Variants in ERC2 observed in about 807,000 individuals in gnomAD.
ERC2 encodes the protein ERC protein 2.
ERC2 carries 42 observed loss-of-function variants against 114.8 expected under a neutral mutation model. The ratio of observed to expected loss-of-function variants is 0.37; its 90% CI spans 0.29 to 0.47. The LOEUF (loss-of-function observed/expected upper bound fraction) is 0.47. Ranked by LOEUF, ERC2 falls within the 20% of genes least tolerant of loss-of-function variation. The probability of loss-of-function intolerance (pLI) is 0.99; values close to 1 mark genes in which losing one functional copy is unlikely to be tolerated. For missense variants in ERC2, 939 were observed against 1,150.7 expected (o/e 0.82, Z 2.66); for synonymous variants, 454 against 425.5 (o/e 1.07, Z -0.82).
chr3:55,969,563 C>T (rs2069006813), intron 12 of ERC2, among the ~76,000 whole-genome samples: 1 of 152,192 alleles, frequency 6.6e-6, no homozygotes, highest in Non-Finnish European at 1.5e-5. Context: ...ACCTTCACTT[C>T]CCTAAGCAGC....
At chr3:56,142,226 A>G (rs964488814) in intron 5 of ERC2, among the ~76,000 whole-genome samples, 1 of 151,976 alleles carries the variant, frequency 6.6e-6, no homozygotes, top group African/African-American at 2.4e-5. Context: ...CGTCTAAAAA[A>G]CCCACTTATC....
At chr3:56,159,561 G>A (rs375241089) in intron 4 of ERC2, among the ~76,000 whole-genome samples, 16 of 152,088 alleles carry the variant, frequency 1.1e-4, no homozygotes, top group African/African-American at 3.9e-4. Flanking sequence ...TTTGTTACTC[G>A]GGTATACTGC....
intron 7 of ERC2, among the ~76,000 whole-genome samples, chr3:56,043,473 G>A (rs775294353): frequency 3.3e-5 from 5 of 151,826 alleles, no homozygotes; most frequent in Non-Finnish European, 7.4e-5. Flanking sequence ...TATTCAAATA[G>A]TGTCTGACAT....
intron 6 of ERC2, among the ~76,000 whole-genome samples, chr3:56,136,421 CT>C (rs59098775): frequency 0.021 from 3,091 of 145,228 alleles, 116 homozygotes; most frequent in African/African-American, 0.07. Context: ...AGCACCATAT[CT>C]TTTTTTTTTT....
In ERC2 at chr3:56,148,967, T is replaced by G; in HGVS notation, c.1305+10A>C. The G allele has an allele frequency of 6.2e-7, 1 of 1,612,748 alleles. No individual in the cohort carries two copies. The highest frequency in any genetic ancestry group is 8.5e-7 in the Non-Finnish European group (1 of 1,179,186). On this transcript the variant is annotated intron_variant, in intron 5 of 17. Coordinates refer to ENST00000288221, the MANE Select transcript of ERC2 (RefSeq NM_015576.3). ...TTAAGAACATAAAAGTTTATAACCC[T>G]GGACCGTACCTTGGTCTTCATAAAC... is the stretch of plus-strand genomic sequence containing the variant.
At chr3:56,162,592 C>T (rs999713107) in intron 4 of ERC2, among the ~76,000 whole-genome samples, 2 of 152,104 alleles carry the variant, frequency 1.3e-5, no homozygotes, top group African/African-American at 2.4e-5. Flanking sequence ...CTAAGTCTTC[C>T]TCATTGAATC....
intron 6 of ERC2, among the ~76,000 whole-genome samples, chr3:56,131,728 T>C (rs1172565860): frequency 6.6e-6 from 1 of 152,146 alleles, no homozygotes; most frequent in Non-Finnish European, 1.5e-5. Flanking sequence ...GGTTAACAGA[T>C]ACAAAATTAC....
intron 14 of ERC2, among the ~76,000 whole-genome samples, chr3:55,825,400 A>T (rs2060284819): frequency 6.6e-6 from 1 of 152,232 alleles, no homozygotes; most frequent in African/African-American, 2.4e-5. Flanking sequence ...TCTTTATCTA[A>T]TGATTATGAT....
At chr3:55,931,000 A>G (rs947932333) in intron 13 of ERC2, among the ~76,000 whole-genome samples, 1 of 152,268 alleles carries the variant, frequency 6.6e-6, no homozygotes, top group Non-Finnish European at 1.5e-5. Context: ...AATATTAAAA[A>G]AGGCTTATCA....
Position 56,434,872 on chromosome 3 carries a change from T to C in ERC2, c.136A>G (p.Met46Val). ...GGGGTGKTLS[M>V]ENIQSLNAAY... Reference sequence around the variant, plus strand: ...GCATTGAGGGACTGGATATTCTCCATAGACAGAGTCTTGCCTGTTCCTCCA... The same window carrying C: ...GCATTGAGGGACTGGATATTCTCCACAGACAGAGTCTTGCCTGTTCCTCCA... Residue 46 changes from methionine to valine, a missense_variant, in exon 2 of 18, where the codon ATG becomes GTG. Physicochemically the swap from Met to Val is conservative, Grantham distance 21. Transcript: ENST00000288221. The C allele has an allele frequency of 1.2e-6, 2 of 1,613,866 alleles. No individual in the cohort carries two copies.
intron 14 of ERC2, among the ~76,000 whole-genome samples, chr3:55,872,050 G>A (rs1214930320): frequency 6.6e-6 from 1 of 152,162 alleles, no homozygotes; most frequent in Non-Finnish European, 1.5e-5. Context: ...GGAATAGAAA[G>A]GAAACAGACT....
At chr3:56,090,064 T>C (rs2077703737) in intron 6 of ERC2, among the ~76,000 whole-genome samples, 1 of 152,200 alleles carries the variant, frequency 6.6e-6, no homozygotes, top group South Asian at 2.1e-4. Context: ...CCTTGATGGC[T>C]GGTAATTCAG....
chr3:56,045,450 C>A (rs901185962), intron 7 of ERC2, among the ~76,000 whole-genome samples: 1 of 152,074 alleles, frequency 6.6e-6, no homozygotes, highest in Non-Finnish European at 1.5e-5. Context: ...CTTTCCAGAG[C>A]CCAGTTTTGA....
intron 17 of ERC2, among the ~76,000 whole-genome samples, chr3:55,660,999 C>T (rs372286662): frequency 6.6e-5 from 10 of 152,258 alleles, no homozygotes; most frequent in Non-Finnish European, 1.2e-4. Context: ...AACATTGGGC[C>T]CTTACCCTGC....
chr3:55,710,568 A>T (rs746389778), intron 15 of ERC2, among the ~76,000 whole-genome samples: 1 of 152,166 alleles, frequency 6.6e-6, no homozygotes, highest in African/African-American at 2.4e-5. Flanking sequence ...TCACCTATTT[A>T]AGGTGGAATC....
At chr3:56,257,277 C>A (rs1434031622) in intron 3 of ERC2, among the ~76,000 whole-genome samples, 1 of 152,176 alleles carries the variant, frequency 6.6e-6, no homozygotes, top group African/African-American at 2.4e-5. Flanking sequence ...ACTGAAAATT[C>A]ATTTCCAAAC....
At chr3:55,711,918 C>T (rs1372633790) in intron 15 of ERC2, among the ~76,000 whole-genome samples, 1 of 152,318 alleles carries the variant, frequency 6.6e-6, no homozygotes, top group Admixed American at 6.5e-5. Flanking sequence ...AAGGATATCA[C>T]CAAATTCCCT....
chr3:56,198,846 T>C (rs2048254971), intron 3 of ERC2, among the ~76,000 whole-genome samples: 1 of 152,102 alleles, frequency 6.6e-6, no homozygotes, highest in Non-Finnish European at 1.5e-5. Context: ...GTCCAGACTA[T>C]ACAAGATCAC....
At chr3:55,548,625 G>A (rs2054926323) in intron 17 of ERC2, among the ~76,000 whole-genome samples, 1 of 152,168 alleles carries the variant, frequency 6.6e-6, no homozygotes, top group Non-Finnish European at 1.5e-5. Context: ...CTGGAGAGAA[G>A]GCATCCAAAT....
Sources: gnomAD v4.1 joint callset for allele counts (sites outside exome capture counted in the v4.1 genomes callset) on GRCh38, gnomAD v4.1.1 for gene constraint, MANE v1.5 for transcripts, NCBI Gene and HGNC (gene_info 2026-07-23, HGNC 2026-07-21) for gene names.